CEP152: variants seen among roughly 807,000 people sequenced by gnomAD.
CEP152 encodes the protein centrosomal protein 152, also known as centrosomal protein of 152 kDa.
CEP152 carries 132 observed loss-of-function variants against 188.9 expected under a neutral mutation model. The ratio of observed to expected loss-of-function variants is 0.70; its 90% CI spans 0.61 to 0.81. The LOEUF (loss-of-function observed/expected upper bound fraction) is 0.81. CEP152 is among the 30% of genes least tolerant of loss of function. The pLI, the probability that CEP152 is intolerant of heterozygous loss-of-function variation, is 0.00. For missense variants in CEP152, 1,914 were observed against 1,969.8 expected, an observed-to-expected ratio of 0.97 and a Z score of 0.54; for synonymous variants, 649 against 666.6, an observed-to-expected ratio of 0.97 and a Z score of 0.41.
chr15:48,789,172 C>G (rs1896856449), intron 8 of CEP152, 171 bp from the exon 9 acceptor site: 1 of 652,028 alleles, frequency 1.5e-6, no homozygotes, highest in African/African-American at 1.8e-5. Context: ...ACAACCCTAG[C>G]TGGGACCCTC....
intron 8 of CEP152, 69 bp from the exon 9 acceptor site, chr15:48,789,070 A>G: frequency 7.3e-7 from 1 of 1,365,112 alleles, no homozygotes; most frequent in Non-Finnish European, 1.0e-6. Context: ...TGCTGTCTAT[A>G]AACTTTTACT....
At chr15:48,808,056 TAA>T (rs1271383560) in intron 1 of CEP152, among the ~76,000 whole-genome samples, 1 of 152,038 alleles carries the variant, frequency 6.6e-6, no homozygotes, top group Non-Finnish European at 1.5e-5. Context: ...CTATAAACTA[TAA>T]AAGACTTTAA....
intron 10 of CEP152, among the ~76,000 whole-genome samples, chr15:48,782,894 T>G (rs1454941309): frequency 6.6e-6 from 1 of 152,138 alleles, no homozygotes; most frequent in East Asian, 1.9e-4. Flanking sequence ...CACCAAGTAA[T>G]GCCAAATGAA....
At chr15:48,765,636 A>ATTTT (rs34837739) in intron 17 of CEP152, 2,033 of 189,054 alleles carry the variant, frequency 0.011, 35 homozygotes, top group South Asian at 0.013. Flanking sequence ...GTTCTTGCCA[A>ATTTT]TTTTTTTTTT....
At chr15:48,748,682 A>C in intron 21 of CEP152, 72 bp from the exon 22 acceptor site, 4 of 1,211,296 alleles carry the variant, frequency 3.3e-6, no homozygotes, top group Non-Finnish European at 4.3e-6. Context: ...AAAAAAAAAA[A>C]AGACAGAAAG....
At chr15:48,791,539 T>C (rs920435385) in intron 7 of CEP152, among the ~76,000 whole-genome samples, 163 bp from the exon 8 acceptor site, 3 of 152,124 alleles carry the variant, frequency 2.0e-5, no homozygotes, top group Admixed American at 6.5e-5. Context: ...AAATAAAGAA[T>C]TTACTTACTT....
intron 23 of CEP152, 39 bp downstream of exon 23, chr15:48,744,857 A>T (rs1434901397): frequency 1.3e-6 from 2 of 1,549,246 alleles, no homozygotes; most frequent in East Asian, 2.3e-5. Context: ...TTGTACTTAG[A>T]TTTCTTTAAA....
chr15:48,803,181 G>A (rs1457882577), intron 2 of CEP152, among the ~76,000 whole-genome samples: 2 of 152,192 alleles, frequency 1.3e-5, no homozygotes, highest in Non-Finnish European at 2.9e-5. Context: ...ACTGCTAACA[G>A]TTATAACCTA....
Position 48,787,163 on chromosome 15 carries a change from G to GTTTTTTGTTTTTTTTT in CEP152, c.1173+1637_1173+1638insAAAAAAAAACAAAAAA, listed in dbSNP as rs71120640. Among the ~76,000 whole-genome samples the GTTTTTTGTTTTTTTTT allele has an allele frequency of 6.7e-4, 68 of 101,504 alleles. 6 individuals are homozygous for GTTTTTTGTTTTTTTTT. Among genetic ancestry groups the GTTTTTTGTTTTTTTTT allele is most frequent in the Non-Finnish European group, 8.1e-4 (43 of 53,400 alleles). 66.6% of individuals were successfully genotyped at this position (101,504 alleles called of 152,430 possible). ...TTTTCAATAATTTGGTATAGCCTTC[G>GTTTTTTGTTTTTTTTT]TTTTTTTTTTTTTTTTTTTCTGGAA... On this transcript the variant is annotated intron_variant, in intron 9 of 26. Transcript: ENST00000380950.
At chr15:48,730,002 C>A (rs1299786745) in intron 2 of CEP152, among the ~76,000 whole-genome samples, 1 of 151,828 alleles carries the variant, frequency 6.6e-6, no homozygotes, top group Non-Finnish European at 1.5e-5. Context: ...CCGGCCCCCC[C>A]CAAAAAAAAT....
chr15:48,732,047 G>T (rs371244610), intron 2 of CEP152, among the ~76,000 whole-genome samples: 2 of 152,342 alleles, frequency 1.3e-5, no homozygotes, highest in African/African-American at 4.8e-5. Flanking sequence ...TTGCTGGCGA[G>T]GTTGAGGAGA....
chr15:48,792,579 C>T (rs1357492427), intron 7 of CEP152, among the ~76,000 whole-genome samples: 2 of 152,180 alleles, frequency 1.3e-5, no homozygotes, highest in Admixed American at 6.5e-5. Flanking sequence ...CAATCACTAA[C>T]TCTTATTTGG....
At chr15:48,783,779 A>T (rs932625836) in intron 10 of CEP152, 194 bp downstream of exon 10, 1 of 195,162 alleles carries the variant, frequency 5.1e-6, no homozygotes, top group African/African-American at 2.4e-5. Flanking sequence ...GTGTATGTAT[A>T]TATATATATA....
chr15:48,794,881 A>G (rs957375483), intron 6 of CEP152, among the ~76,000 whole-genome samples: 1 of 152,204 alleles, frequency 6.6e-6, no homozygotes, highest in Non-Finnish European at 1.5e-5. Context: ...TTCAGGGGAA[A>G]ATGAATTCTG....
intron 19 of CEP152, among the ~76,000 whole-genome samples, chr15:48,758,718 CAAAAAAAAAA>C (rs869223881): frequency 1.4e-5 from 1 of 70,460 alleles, no homozygotes; most frequent in African/African-American, 6.5e-5. Context: ...GACTCCATCT[CAAAAAAAAAA>C]AAAAAAAAAG....
Position 48,738,552 on chromosome 15 carries a change from C to CT in CEP152, c.4829dup (p.Phe1611ValfsTer14). On this transcript the variant is annotated frameshift_variant, in exon 27 of 27. Transcript: ENST00000380950. LOFTEE classifies it low-confidence loss of function (END_TRUNC). ...CTGAAAGATAACCGGATGGTGAAAA[C>CT]TGTTTGGATTTAACAGATTCACTTG... 6.2e-7 allele frequency: 1 copy of CT among 1,614,158 alleles called. No individual in the cohort carries two copies. Among genetic ancestry groups the CT allele is most frequent in the African/African-American group, 1.3e-5 (1 of 75,044 alleles).
At chr15:48,794,736 G>A (rs1267442438) in intron 6 of CEP152, among the ~76,000 whole-genome samples, 1 of 152,166 alleles carries the variant, frequency 6.6e-6, no homozygotes, top group East Asian at 1.9e-4. Context: ...TAAACACTAA[G>A]GAGATGTCAG....
chr15:48,742,111 G>A lies in CEP152; in HGVS notation c.3836-11C>T. ...AACGAAGCATGTCACCTATAGGGAA[G>A]TGAGAAAATGCCCACAGAATGTATG... On this transcript the variant is annotated splice_polypyrimidine_tract_variant and intron_variant, in intron 24 of 26. Coordinates refer to ENST00000380950, the MANE Select transcript of CEP152 (RefSeq NM_001194998.2). 1 of 1,613,334 alleles carries A rather than the reference G, an allele frequency of 6.2e-7. No homozygotes were observed.
Position 48,777,557 on chromosome 15 carries a change from T to A in CEP152, c.1577+3639A>T, listed in dbSNP as rs953140262. Among the ~76,000 whole-genome samples the A allele has an allele frequency of 4.6e-5, 7 of 151,772 alleles. No homozygotes were observed. The East Asian group carries it at 1.4e-3, about 29-fold the overall frequency. On this transcript the variant is annotated intron_variant, in intron 12 of 26. Transcript: ENST00000380950. ...ACAAACTATTAGGTAGGCTTTTTAATGTTATAAAAGGAGCTTTTGCAATAC... is the reference window on the plus strand; with the variant it reads ...ACAAACTATTAGGTAGGCTTTTTAAAGTTATAAAAGGAGCTTTTGCAATAC...
Sources: allele counts gnomAD v4.1 joint callset (sites outside exome capture counted in the v4.1 genomes callset), GRCh38; gene constraint gnomAD v4.1.1; transcripts MANE v1.5; gene names NCBI Gene and HGNC (gene_info 2026-07-23, HGNC 2026-07-21).